CSMD1: variants seen among roughly 807,000 people sequenced by gnomAD.
The protein encoded by CSMD1 is CUB and sushi domain-containing protein 1.
A neutral mutation model predicts 417.5 loss-of-function variants in CSMD1; 213 were observed. The ratio of observed to expected loss-of-function variants is 0.51; its 90% confidence interval spans 0.46 to 0.57. The LOEUF is 0.57. Ranked by LOEUF, CSMD1 falls within the 20% of genes least tolerant of loss-of-function variation. The pLI is 0.00. For synonymous variants in CSMD1, 2,862 were observed against 1,736.8 expected, an observed-to-expected ratio of 1.65 and a Z score of -16.11; for missense variants, 6,923 against 4,529.7, an observed-to-expected ratio of 1.53 and a Z score of -15.17.
At chr8:3,371,253 C>T (rs183134232) in intron 18 of CSMD1, among the ~76,000 whole-genome samples, 9 of 152,292 alleles carry the variant, frequency 5.9e-5, no homozygotes, top group Admixed American at 3.9e-4. Context: ...TTCTCTGGAG[C>T]ACACTGACTA....
chr8:3,771,355 A>G (rs756854186), intron 5 of CSMD1, among the ~76,000 whole-genome samples: 31 of 152,324 alleles, frequency 2.0e-4, no homozygotes, highest in Non-Finnish European at 4.0e-4. Flanking sequence ...TTAGAAATTC[A>G]GACGGCATTG....
chr8:3,861,272 G>C (rs978409763), intron 5 of CSMD1, among the ~76,000 whole-genome samples: 3 of 152,186 alleles, frequency 2.0e-5, no homozygotes, highest in Non-Finnish European at 2.9e-5. Context: ...ACCTGCACTT[G>C]AGAAGATCAT....
At chr8:3,369,413 C>T (rs1053201131) in intron 18 of CSMD1, 43 bp from the exon 19 acceptor site, 4 of 916,274 alleles carry the variant, frequency 4.4e-6, no homozygotes, top group Non-Finnish European at 7.0e-6. Context: ...TAAAGTTTCA[C>T]AATGATTGCC....
intron 11 of CSMD1, among the ~76,000 whole-genome samples, chr8:3,479,012 C>A (rs1303751263): frequency 6.6e-6 from 1 of 151,980 alleles, no homozygotes; most frequent in Non-Finnish European, 1.5e-5. Context: ...TCTCCCCAAG[C>A]CCACCCAACC....
At chr8:4,922,680 C>T (rs1481570308) in intron 1 of CSMD1, among the ~76,000 whole-genome samples, 5 of 152,144 alleles carry the variant, frequency 3.3e-5, no homozygotes, top group East Asian at 1.9e-4. Flanking sequence ...TTTCTGAGAG[C>T]CCCTGCAGAC....
chr8:4,644,477 G>A lies in CSMD1; in HGVS notation c.86-6919C>T, dbSNP rs188135558. Among the ~76,000 whole-genome samples the A allele has an allele frequency of 1.8e-3, 272 of 152,212 alleles. 1 individual carries two copies. The highest frequency in any genetic ancestry group is 6.4e-3 in the African/African-American group (264 of 41,546). ...GCTAGAGTGCAGCGGCGCTATCTTA[G>A]CTCACTGCAGCCTCCACCTCCCAGG... On this transcript the variant is annotated intron_variant, in intron 1 of 69. Coordinates refer to ENST00000635120, the MANE Select transcript of CSMD1 (RefSeq NM_033225.6).
rs1163724471 is a variant in CSMD1 at position 3,110,323 on chromosome 8, T to A, written c.6443A>T (p.Tyr2148Phe). The A allele has an allele frequency of 1.2e-6, 2 of 1,609,994 alleles. No homozygotes were observed. Among genetic ancestry groups the A allele is most frequent in the South Asian group, 2.2e-5 (2 of 90,068 alleles). ...GGTGCCGTTCTGAGAAGTTACGTTG[T>A]ACCCACAAGGGGCTGCAAAGGAAAC... is the stretch of plus-strand genomic sequence containing the variant. ...PFPRCDAPCG[Y>F]NVTSQNGTIY... is the part of the protein sequence containing the mutation. The change falls in exon 43 of 70, where the codon TAC becomes TTC. Residue 2148 changes from tyrosine to phenylalanine, a missense_variant. Transcript: ENST00000635120.
intron 20 of CSMD1, among the ~76,000 whole-genome samples, chr8:3,365,466 G>C (rs920928893): frequency 2.0e-5 from 3 of 152,302 alleles, no homozygotes; most frequent in South Asian, 2.1e-4. Flanking sequence ...TCTTATTACA[G>C]TTGACTCTTG....
intron 10 of CSMD1, among the ~76,000 whole-genome samples, chr8:3,522,613 G>A (rs979218464): frequency 4.6e-5 from 7 of 152,026 alleles, no homozygotes; most frequent in African/African-American, 9.7e-5. Flanking sequence ...CACACTCCAA[G>A]AAGGGTAGAT....
intron 1 of CSMD1, among the ~76,000 whole-genome samples, chr8:4,720,175 T>C (rs1439192539): frequency 2.0e-5 from 3 of 150,964 alleles, no homozygotes. Flanking sequence ...ATAACATATA[T>C]ATATATATAT....
At chr8:3,796,117 A>G (rs973091913) in intron 5 of CSMD1, among the ~76,000 whole-genome samples, 153 of 7,376 alleles carry the variant, frequency 0.021, 45 homozygotes, top group African/African-American at 0.053. Context: ...TATATCTATC[A>G]TAGATATAGA....
chr8:3,280,184 C>G lies in CSMD1; in HGVS notation c.4153+3960G>C, dbSNP rs567271783. Among the ~76,000 whole-genome samples, 2 of 150,056 alleles carry G rather than the reference C, an allele frequency of 1.3e-5. 1 individual carries two copies. Among genetic ancestry groups the G allele is most frequent in the South Asian group, 4.3e-4 (2 of 4,652 alleles). On this transcript the variant is annotated intron_variant, in intron 26 of 69. Coordinates refer to ENST00000635120, the MANE Select transcript of CSMD1 (RefSeq NM_033225.6). ...GGAATAACCCAATACAGGTTTGCCT[C>G]GAGAGCCACAGAGTAGTTAAAGGAA...
intron 10 of CSMD1, among the ~76,000 whole-genome samples, chr8:3,545,550 G>A (rs996240955): frequency 6.6e-6 from 1 of 152,030 alleles, no homozygotes; most frequent in African/African-American, 2.4e-5. Flanking sequence ...CTAATGTGAT[G>A]TAGACTACAA....
intron 54 of CSMD1, among the ~76,000 whole-genome samples, chr8:2,980,614 G>T (rs537798200): frequency 6.6e-6 from 1 of 152,268 alleles, no homozygotes; most frequent in African/African-American, 2.4e-5. Flanking sequence ...CTTGCAGGCA[G>T]AGAACCAAAT....
chr8:4,249,796 C>G (rs915820157), intron 3 of CSMD1, among the ~76,000 whole-genome samples: 1 of 152,102 alleles, frequency 6.6e-6, no homozygotes, highest in Non-Finnish European at 1.5e-5. Context: ...ATGAAGAACA[C>G]AGTGTCAGTT....
At chr8:4,663,256 T>A (rs910059982) in intron 1 of CSMD1, among the ~76,000 whole-genome samples, 1 of 152,198 alleles carries the variant, frequency 6.6e-6, no homozygotes, top group Non-Finnish European at 1.5e-5. Flanking sequence ...TCATTACCTG[T>A]ATATACACGA....
chr8:4,196,264 C>T (rs991939054), intron 3 of CSMD1, among the ~76,000 whole-genome samples: 20 of 152,290 alleles, frequency 1.3e-4, no homozygotes, highest in African/African-American at 4.8e-4. Context: ...TGTCAAGCCA[C>T]TCTTTTGTGG....
chr8:3,523,257 G>C (rs1372683024), intron 10 of CSMD1, among the ~76,000 whole-genome samples: 1 of 152,036 alleles, frequency 6.6e-6, no homozygotes, highest in Non-Finnish European at 1.5e-5. Context: ...CTACCATATA[G>C]GATTTAAAAT....
At chr8:3,937,820 G>C (rs963302062) in intron 5 of CSMD1, among the ~76,000 whole-genome samples, 4 of 151,988 alleles carry the variant, frequency 2.6e-5, no homozygotes, top group African/African-American at 9.7e-5. Context: ...TGCTTACACA[G>C]GAAATTTTAT....
Sources: gnomAD v4.1 joint callset for allele counts (sites outside exome capture counted in the v4.1 genomes callset) on GRCh38, gnomAD v4.1.1 for gene constraint, MANE v1.5 for transcripts, NCBI Gene and HGNC (gene_info 2026-07-23, HGNC 2026-07-21) for gene names.